The following GLRA2 variants were observed in gnomAD, a reference collection of about 807,000 sequenced individuals.
GLRA2 encodes glycine receptor alpha 2.
In GLRA2, 11 loss-of-function variants were observed where a neutral mutation model predicts 31.6. The observed-to-expected ratio is 0.35, with a 90% CI of 0.22 to 0.58. The LOEUF is 0.58. Among genes scored for constraint, GLRA2 ranks in the 20% least tolerant of loss-of-function variants. The pLI, the probability that GLRA2 is intolerant of heterozygous loss-of-function variation, is 0.84. For synonymous variants in GLRA2, 132 were observed against 134.0 expected, an observed-to-expected ratio of 0.99 and a Z score of 0.10; for missense variants, 212 against 351.8, an observed-to-expected ratio of 0.60 and a Z score of 3.18.
chrX:14,458,906 G>A, the GLRA2 span, among the ~76,000 whole-genome samples: 1 of 111,799 alleles, frequency 8.9e-6, no homozygotes, highest in Non-Finnish European at 1.9e-5. Flanking sequence ...TTTGGCTTTT[G>A]TTGTCATTGC....
intron 2 of GLRA2, among the ~76,000 whole-genome samples, chrX:14,547,195 C>T (rs2089493918): frequency 9.0e-6 from 1 of 111,234 alleles, no homozygotes; most frequent in Non-Finnish European, 1.9e-5. Context: ...AAATAAACTC[C>T]TGTACTTTTT....
intron 4 of GLRA2, among the ~76,000 whole-genome samples, chrX:14,599,988 T>C (rs1295149575): frequency 1.8e-5 from 2 of 110,779 alleles, no homozygotes; most frequent in African/African-American, 6.6e-5. Flanking sequence ...TCCTCCTTAT[T>C]ATTGGCACCC....
At chrX:14,607,043 G>A in intron 5 of GLRA2, 88 bp from the exon 6 acceptor site, 1 of 633,917 alleles carries the variant, frequency 1.6e-6, no homozygotes, top group Non-Finnish European at 2.5e-6. Context: ...GCTTTAGACA[G>A]TTTCTTTGTT....
chrX:14,465,586 T>C, the GLRA2 span, among the ~76,000 whole-genome samples: 2 of 112,219 alleles, frequency 1.8e-5, no homozygotes, highest in Non-Finnish European at 3.8e-5. Flanking sequence ...TTCTATCAGC[T>C]ATTGTATCAA....
intron 7 of GLRA2, among the ~76,000 whole-genome samples, chrX:14,685,340 T>G (rs1330864826): frequency 3.6e-5 from 4 of 112,037 alleles, no homozygotes; most frequent in African/African-American, 9.7e-5. Flanking sequence ...TAAAATGACT[T>G]AGGGAGGATT....
chrX:14,484,214 G>A, the GLRA2 span, among the ~76,000 whole-genome samples: 8 of 111,835 alleles, frequency 7.2e-5, no homozygotes, highest in African/African-American at 1.9e-4. Context: ...TGTCTATCTT[G>A]CACTAATTTT....
chrX:14,618,643 G>C (rs2090480366), intron 7 of GLRA2, among the ~76,000 whole-genome samples: 1 of 111,868 alleles, frequency 8.9e-6, no homozygotes, highest in African/African-American at 3.2e-5. Context: ...TAGCATGACT[G>C]GGTTCTCTGC....
At chrX:14,591,067 A>G (rs1051760739) in intron 4 of GLRA2, among the ~76,000 whole-genome samples, 2 of 111,932 alleles carry the variant, frequency 1.8e-5, no homozygotes, top group Non-Finnish European at 3.8e-5. Context: ...AGACTCTCAT[A>G]AAGTATGGAA....
At chrX:14,482,640 C>G in the GLRA2 span, among the ~76,000 whole-genome samples, 1 of 110,845 alleles carries the variant, frequency 9.0e-6, no homozygotes, top group African/African-American at 3.3e-5. Flanking sequence ...ATATTATATT[C>G]ATAAGTATAA....
chrX:14,576,582 T>C (rs1251821760), intron 3 of GLRA2, among the ~76,000 whole-genome samples: 1 of 112,052 alleles, frequency 8.9e-6, no homozygotes, highest in African/African-American at 3.2e-5. Flanking sequence ...AATCTCCTCA[T>C]TGCATCGTAT....
At chrX:14,486,717 A>G in the GLRA2 span, among the ~76,000 whole-genome samples, 1 of 112,000 alleles carries the variant, frequency 8.9e-6, no homozygotes, top group African/African-American at 3.2e-5. Flanking sequence ...GGAGAATCAA[A>G]GAGTTCTTGA....
At chrX:14,492,822 C>T in the GLRA2 span, among the ~76,000 whole-genome samples, 1 of 111,897 alleles carries the variant, frequency 8.9e-6, no homozygotes, top group Non-Finnish European at 1.9e-5. Flanking sequence ...CAAGAATTTA[C>T]GTCTCACAGT....
At chrX:14,614,535 G>A (rs1010906352) in intron 7 of GLRA2, among the ~76,000 whole-genome samples, 2 of 111,150 alleles carry the variant, frequency 1.8e-5, no homozygotes, top group African/African-American at 6.5e-5. Flanking sequence ...CATTTATTAG[G>A]CTCACTAAGA....
chrX:14,704,365 T>TC (rs1265360477), intron 8 of GLRA2, among the ~76,000 whole-genome samples: 1 of 112,239 alleles, frequency 8.9e-6, no homozygotes, highest in African/African-American at 3.2e-5. Context: ...ATTCTTTTTT[T>TC]CCACTTTAAA....
the GLRA2 span, among the ~76,000 whole-genome samples, chrX:14,512,134 A>G: frequency 1.8e-5 from 2 of 111,709 alleles, no homozygotes; most frequent in South Asian, 7.5e-4. Flanking sequence ...CCATTTATGT[A>G]TTTTAGAATT....
rs753470377 is a variant in GLRA2, at chrX:14,559,419, C to CTTT, written c.203-14886_203-14884dup. ...AGTGGGTTAGATTGTGGGGCCATTT[C>CTTT]TTTTTTTTTTTTTTTTTTTTTTTTT... On this transcript the variant is annotated intron_variant, in intron 2 of 8. Transcript: ENST00000218075. 5.1e-4 allele frequency among the ~76,000 whole-genome samples: 25 copies of CTTT among 48,581 alleles called. 1 individual carries two copies. The highest frequency in any genetic ancestry group is 7.8e-4 in the African/African-American group (7 of 8,981). 42.2% of individuals were successfully genotyped at this position (48,581 alleles called of 115,157 possible).
the GLRA2 span, among the ~76,000 whole-genome samples, chrX:14,481,488 T>A: frequency 9.0e-6 from 1 of 111,128 alleles, no homozygotes; most frequent in Non-Finnish European, 1.9e-5. Flanking sequence ...CAATTTAGAG[T>A]GAAAATCCAG....
chrX:14,511,948 C>T, the GLRA2 span, among the ~76,000 whole-genome samples: 1 of 111,522 alleles, frequency 9.0e-6, no homozygotes, highest in African/African-American at 3.3e-5. Context: ...AGAGGTAGAA[C>T]TTTAATATAT....
chrX:14,461,227 T>C, the GLRA2 span, among the ~76,000 whole-genome samples: 135 of 112,124 alleles, frequency 1.2e-3, no homozygotes, highest in African/African-American at 4.2e-3. Context: ...ACAGTTGTGA[T>C]TTCTGTTCTT....
Sources: allele counts gnomAD v4.1 joint callset (sites outside exome capture counted in the v4.1 genomes callset), GRCh38; gene constraint gnomAD v4.1.1; transcripts MANE v1.5; gene names NCBI Gene and HGNC (gene_info 2026-07-23, HGNC 2026-07-21).